Variants in FAHD2A observed in about 807,000 individuals in gnomAD.
The protein encoded by FAHD2A is fumarylacetoacetate hydrolase domain containing 2A, also known as oxaloacetate tautomerase FAHD2A, mitochondrial.
In FAHD2A, 27 loss-of-function variants were observed where a neutral mutation model predicts 33.4. The observed-to-expected ratio is 0.81, with a 90% CI of 0.60 to 1.11. The LOEUF (loss-of-function observed/expected upper bound fraction) is 1.11. FAHD2A is among the 50% of genes most tolerant of loss of function. The pLI, the probability that FAHD2A is intolerant of heterozygous loss-of-function variation, is 0.00. For missense variants in FAHD2A, 296 were observed against 395.0 expected, an observed-to-expected ratio of 0.75 and a Z score of 2.12; for synonymous variants, 130 against 153.3, an observed-to-expected ratio of 0.85 and a Z score of 1.12.
downstream of FAHD2A, among the ~76,000 whole-genome samples, chr2:95,416,939 T>C (rs866887456): frequency 3.9e-5 from 6 of 152,218 alleles, no homozygotes; most frequent in East Asian, 3.9e-4. Flanking sequence ...TACCCTGATA[T>C]GCTTTTCTTC....
chr2:95,415,755 G>T lies in FAHD2A; in HGVS notation c.*2798G>T, dbSNP rs1203791243. ...CAACTCATCTCACCTCACCATGCCG[G>T]CTGCGAGGCGGCCCGTGCAGTCCGT... On this transcript the variant is annotated 3_prime_UTR_variant, in exon 8 of 8. Coordinates refer to ENST00000233379, the MANE Select transcript of FAHD2A (RefSeq NM_016044.3). The T allele has an allele frequency of 1.3e-5, 2 of 152,624 alleles. No individual in the cohort carries two copies. The highest frequency in any genetic ancestry group is 2.9e-5 in the Non-Finnish European group (2 of 68,056). The allele number at this position is 152,624 out of a possible 1,614,324, so 9.5% of individuals were successfully genotyped here. A position where few individuals can be genotyped will look rare whatever the true frequency, so the allele number is the denominator to read the frequency against.
rs867142194 is a variant in FAHD2A at position 95,414,568 on chromosome 2, C to T, written c.*1611C>T. ...CACTGGACAGCCTCTCCGCGGCCTTCCTCCTCCCTGCTCCAGAATTCTACT... is the reference window on the plus strand; with the variant it reads ...CACTGGACAGCCTCTCCGCGGCCTTTCTCCTCCCTGCTCCAGAATTCTACT... On this transcript the variant is annotated 3_prime_UTR_variant, in exon 8 of 8. Transcript: ENST00000233379. 3.6e-6 allele frequency: 1 copy of T among 280,858 alleles called. No homozygotes were observed. Among genetic ancestry groups the T allele is most frequent in the South Asian group, 3.6e-5 (1 of 27,518 alleles). The allele number at this position is 280,858 out of a possible 1,614,324, so 17.4% of individuals were successfully genotyped here.
At chr2:95,411,949 C>G (rs1225417850) in intron 5 of FAHD2A, among the ~76,000 whole-genome samples, 2 of 152,166 alleles carry the variant, frequency 1.3e-5, no homozygotes, top group Non-Finnish European at 2.9e-5. Flanking sequence ...CCACGCCTGA[C>G]TAATGTTTTT....
rs201985125 is a variant in FAHD2A at position 95,405,935 on chromosome 2, G to A, written c.245+132G>A. 5.9e-3 allele frequency: 6,852 copies of A among 1,157,450 alleles called. 12 individuals are homozygous for A. The highest frequency in any genetic ancestry group is 0.035 in the African/African-American group (1,987 of 56,270). 71.7% of individuals were successfully genotyped at this position (1,157,450 alleles called of 1,614,324 possible). A position where few individuals can be genotyped will look rare whatever the true frequency, so the allele number is the denominator to read the frequency against. On this transcript the variant is annotated intron_variant, in intron 2 of 7. Transcript: ENST00000233379. ...GTAACCCCACCTTTCCTTTTCTCCC[G>A]TTCTCTTAAAAGATCCTTAGAAATC...
chr2:95,407,288 C>G (rs2104355509), intron 3 of FAHD2A, 131 bp downstream of exon 3: 1 of 1,356,052 alleles, frequency 7.4e-7, no homozygotes, highest in East Asian at 2.4e-5. Flanking sequence ...GGATTGTACA[C>G]ACAGTAGTAA....
chr2:95,419,734 C>T (rs369970287), downstream of FAHD2A, among the ~76,000 whole-genome samples: 162 of 151,718 alleles, frequency 1.1e-3, 1 homozygote, highest in South Asian at 0.018. Flanking sequence ...ATTAATACAA[C>T]GTAGAGATAG....
At chr2:95,418,586 G>A (rs1246462495), downstream of FAHD2A, among the ~76,000 whole-genome samples, 2 of 151,902 alleles carry the variant, frequency 1.3e-5, no homozygotes, top group Admixed American at 6.6e-5. Flanking sequence ...CACAGTAACC[G>A]GGATGTGAGG....
At position 95,415,096 on chromosome 2, in the gene FAHD2A, C is replaced by CT. The variant is rs1403954233; in HGVS notation, c.*2140dup. 1 of 152,126 alleles carries CT rather than the reference C, an allele frequency of 6.6e-6. No homozygotes were observed. The highest frequency in any genetic ancestry group is 2.4e-5 in the African/African-American group (1 of 41,406). The allele number at this position is 152,126 out of a possible 1,614,324, so 9.4% of individuals were successfully genotyped here. ...CCAAAGCCAAGGACACTGCTCTACT[C>CT]TAAATTTTTTGTCCCGAAGCCCCCA... On this transcript the variant is annotated 3_prime_UTR_variant, in exon 8 of 8. Coordinates refer to ENST00000233379, the MANE Select transcript of FAHD2A (RefSeq NM_016044.3).
chr2:95,412,811 G>T, intron 7 of FAHD2A, 47 bp downstream of exon 7: 5 of 1,614,206 alleles, frequency 3.1e-6, no homozygotes, highest in Non-Finnish European at 4.2e-6. Flanking sequence ...GGCCTGGCAG[G>T]CTTGCCTCAG....
In FAHD2A at chr2:95,414,364, G is replaced by T; in HGVS notation, c.*1407G>T. 1 of 708,514 alleles carries T rather than the reference G, an allele frequency of 1.4e-6. No homozygotes were observed. The highest frequency in any genetic ancestry group is 2.7e-5 in the East Asian group (1 of 36,828). The allele number at this position is 708,514 out of a possible 1,614,324, so 43.9% of individuals were successfully genotyped here. ...GTGCTGGGTGGATATAGAGTATGAA[G>T]ATGTGGAGCTGGGAAAACAGAGGAT... On this transcript the variant is annotated 3_prime_UTR_variant, in exon 8 of 8. Transcript: ENST00000233379.
intron 5 of FAHD2A, 123 bp from the exon 6 acceptor site, chr2:95,412,311 G>T (rs150425791): frequency 9.1e-5 from 102 of 1,125,394 alleles, no homozygotes; most frequent in Middle Eastern, 5.9e-4. Context: ...CTGAGTCAAT[G>T]TGGGCACTTT....
rs1454432378 is a variant in FAHD2A, at chr2:95,405,802, A to T, written c.244A>T (p.Arg82Ter). The T allele has an allele frequency of 6.2e-7, 1 of 1,607,924 alleles. No homozygotes were observed. Among genetic ancestry groups the T allele is most frequent in the Non-Finnish European group, 8.5e-7 (1 of 1,177,398 alleles). Residue 82 changes from arginine (R) to a stop codon, truncating the protein, a stop_gained and splice_region_variant, in exon 2 of 8, where the codon AGA becomes TGA. Coordinates refer to ENST00000233379, the MANE Select transcript of FAHD2A (RefSeq NM_016044.3). LOFTEE classifies it high-confidence loss of function. ...AGAGGCCACCCTCTCAGTGGCAAGA[A>T]GGTAAGTAAGTGGGCAGCATCGCCC... Reference protein sequence around the residue: ...QGEATLSVARRALAAQLPVLP... With the variant: ...QGEATLSVAR
Position 95,415,913 on chromosome 2 carries a change from G to A in FAHD2A, c.*2956G>A, listed in dbSNP as rs1163904538. ...ACTGCAGCATCAACAGATCAGTGCC[G>A]ACCTGTTAAGGCCGTCGAGAGCATC... On this transcript the variant is annotated 3_prime_UTR_variant, in exon 8 of 8. Coordinates refer to ENST00000233379, the MANE Select transcript of FAHD2A (RefSeq NM_016044.3). 3 of 152,202 alleles carry A rather than the reference G, an allele frequency of 2.0e-5. No individual in the cohort carries two copies. Among genetic ancestry groups the A allele is most frequent in the Admixed American group, 6.5e-5 (1 of 15,278 alleles). The allele number at this position is 152,202 out of a possible 1,614,324, so 9.4% of individuals were successfully genotyped here.
chr2:95,417,001 C>T (rs1252787118), downstream of FAHD2A, among the ~76,000 whole-genome samples: 1 of 152,200 alleles, frequency 6.6e-6, no homozygotes, highest in African/African-American at 2.4e-5. Flanking sequence ...TGAAAATGTG[C>T]CATGGGACTG....
chr2:95,407,571 C>T (rs1173109956), intron 3 of FAHD2A: 10 of 182,464 alleles, frequency 5.5e-5, no homozygotes, highest in African/African-American at 1.4e-4. Context: ...CCTGACACCA[C>T]GGAGTTTGTT....
intron 3 of FAHD2A, among the ~76,000 whole-genome samples, chr2:95,409,846 A>G (rs1682188016): frequency 6.6e-6 from 1 of 152,114 alleles, no homozygotes; most frequent in African/African-American, 2.4e-5. Flanking sequence ...TCTGGCCAAG[A>G]TGTTCTAGGC....
At chr2:95,406,440 C>T (rs1418995302) in intron 2 of FAHD2A, among the ~76,000 whole-genome samples, 3 of 150,644 alleles carry the variant, frequency 2.0e-5, no homozygotes, top group Non-Finnish European at 4.4e-5. Context: ...TCTCCATGCC[C>T]CTCATTAGGG....
chr2:95,412,168 A>G (rs1033281388), intron 5 of FAHD2A, among the ~76,000 whole-genome samples: 5 of 150,482 alleles, frequency 3.3e-5, no homozygotes, highest in African/African-American at 4.9e-5. Flanking sequence ...AACCCTAGCC[A>G]TTTTTCTCTT....
At chr2:95,412,826 G>C (rs1205926032) in intron 7 of FAHD2A, 62 bp downstream of exon 7, 1 of 1,614,112 alleles carries the variant, frequency 6.2e-7, no homozygotes, top group Non-Finnish European at 8.5e-7. Flanking sequence ...CCTCAGACTT[G>C]AGAAGTACAG....
Sources: gnomAD v4.1 joint callset for allele counts (sites outside exome capture counted in the v4.1 genomes callset) on GRCh38, gnomAD v4.1.1 for gene constraint, MANE v1.5 for transcripts, NCBI Gene and HGNC (gene_info 2026-07-23, HGNC 2026-07-21) for gene names.